Variants in SUPT3H observed in about 807,000 individuals in gnomAD.
SUPT3H encodes transcription initiation protein SPT3 homolog.
SUPT3H carries 44 observed loss-of-function variants against 44.3 expected under a neutral mutation model. The ratio of observed to expected loss-of-function variants is 0.99; its 90% confidence interval spans 0.78 to 1.28. The LOEUF is 1.28. Ranked by LOEUF, SUPT3H falls within the 50% of genes most tolerant of loss-of-function variation. The pLI is 0.00. For synonymous variants in SUPT3H, 124 were observed against 125.6 expected, an observed-to-expected ratio of 0.99 and a Z score of 0.09; for missense variants, 380 against 387.1, an observed-to-expected ratio of 0.98 and a Z score of 0.15.
intron 2 of SUPT3H, among the ~76,000 whole-genome samples, chr6:45,304,353 AC>A (rs1322951093): frequency 1.2e-4 from 18 of 152,184 alleles, no homozygotes; most frequent in Admixed American, 8.5e-4. Context: ...GAGGAATGTT[AC>A]TTAATTTAAA....
At chr6:45,293,160 A>G (rs1226963424) in intron 2 of SUPT3H, among the ~76,000 whole-genome samples, 2 of 152,198 alleles carry the variant, frequency 1.3e-5, no homozygotes, top group Non-Finnish European at 2.9e-5. Flanking sequence ...GTGGGATAAA[A>G]CTGGAAATCA....
At chr6:45,346,348 T>C (rs1203294830) in intron 2 of SUPT3H, among the ~76,000 whole-genome samples, 3 of 152,024 alleles carry the variant, frequency 2.0e-5, no homozygotes, top group Non-Finnish European at 4.4e-5. Flanking sequence ...GTCTACAGGG[T>C]TGAAACGAAG....
chr6:45,076,561 C>T (rs1045693548), intron 3 of SUPT3H, among the ~76,000 whole-genome samples: 9 of 151,636 alleles, frequency 5.9e-5, no homozygotes, highest in Non-Finnish European at 8.8e-5. Flanking sequence ...CAGGCTCTTC[C>T]AAACTTTAGT....
At chr6:45,373,768 G>A (rs1368238813) in intron 1 of SUPT3H, among the ~76,000 whole-genome samples, 1 of 152,022 alleles carries the variant, frequency 6.6e-6, no homozygotes, top group South Asian at 2.1e-4. Context: ...GGCCAGTCTG[G>A]TCTCCAACTC....
Position 44,847,958 on chromosome 6 carries a change from C to CTTTTTTTTTTT in SUPT3H, c.913-18112_913-18102dup, listed in dbSNP as rs969869912. 1.5e-4 allele frequency among the ~76,000 whole-genome samples: 9 copies of CTTTTTTTTTTT among 58,392 alleles called. 3 individuals carry two copies. Among genetic ancestry groups the CTTTTTTTTTTT allele is most frequent in the Admixed American group, 6.0e-4 (3 of 4,990 alleles). The allele number at this position is 58,392 out of a possible 152,430, so 38.3% of individuals were successfully genotyped here. A position where few individuals can be genotyped will look rare whatever the true frequency, so the allele number is the denominator to read the frequency against. ...CTAGTGTTGACAGTTATCTCTGTGTCTTTTTTTTTTTTTTTTTTTTTTTTT... is the reference window on the plus strand; with the variant it reads ...CTAGTGTTGACAGTTATCTCTGTGTCTTTTTTTTTTTTTTTTTTTTTTTTTTTTTTTTTTTT... On this transcript the variant is annotated intron_variant, in intron 10 of 10. Transcript: ENST00000371459.
At chr6:44,913,546 T>C (rs1455123596) in intron 10 of SUPT3H, among the ~76,000 whole-genome samples, 1 of 152,226 alleles carries the variant, frequency 6.6e-6, no homozygotes, top group African/African-American at 2.4e-5. Flanking sequence ...TGCATGTGAA[T>C]TTGTTATCCA....
At chr6:44,894,530 G>T (rs1763813674) in intron 10 of SUPT3H, among the ~76,000 whole-genome samples, 1 of 152,072 alleles carries the variant, frequency 6.6e-6, no homozygotes, top group Admixed American at 6.6e-5. Context: ...TCAGATAGTT[G>T]TAGATATGCG....
chr6:45,253,818 G>A (rs1772797181), intron 2 of SUPT3H, among the ~76,000 whole-genome samples: 1 of 117,430 alleles, frequency 8.5e-6, no homozygotes, highest in African/African-American at 3.2e-5. Context: ...TTAAGTACTG[G>A]AGGAAAAAAT....
chr6:45,145,797 T>C (rs1805957941), intron 2 of SUPT3H, among the ~76,000 whole-genome samples: 1 of 151,778 alleles, frequency 6.6e-6, no homozygotes, highest in African/African-American at 2.4e-5. Flanking sequence ...GAATCTACAA[T>C]GAACTCACAA....
At chr6:45,227,210 T>C (rs1324936706) in intron 2 of SUPT3H, among the ~76,000 whole-genome samples, 1 of 151,556 alleles carries the variant, frequency 6.6e-6, no homozygotes, top group African/African-American at 2.4e-5. Context: ...ATAAATTCCA[T>C]GATTGAAGGA....
At chr6:45,016,713 T>C (rs1164435512) in intron 4 of SUPT3H, among the ~76,000 whole-genome samples, 1 of 152,080 alleles carries the variant, frequency 6.6e-6, no homozygotes, top group Non-Finnish European at 1.5e-5. Context: ...ATCGTGTATA[T>C]GTGCCACATT....
intron 10 of SUPT3H, among the ~76,000 whole-genome samples, chr6:44,925,968 C>T (rs1769453980): frequency 6.6e-6 from 1 of 152,112 alleles, no homozygotes; most frequent in Admixed American, 6.6e-5. Context: ...TTTTTAGACC[C>T]TGAGGCCCTT....
chr6:44,822,410 T>C (rs1401183655), downstream of SUPT3H, among the ~76,000 whole-genome samples: 2 of 152,240 alleles, frequency 1.3e-5, no homozygotes, highest in Non-Finnish European at 1.5e-5. Flanking sequence ...AAAAGGCTCA[T>C]TGTCTTTACA....
In SUPT3H at chr6:45,328,627, T is replaced by A. The variant is rs781581214; in HGVS notation, c.101+36574A>T. On this transcript the variant is annotated intron_variant, in intron 2 of 10. Coordinates refer to ENST00000371459, the MANE Select transcript of SUPT3H (RefSeq NM_003599.4). ...ATGTACTCCAGGCATACTGTAAAACTAAAACAAGGTTTGGGTATGGTTTGT... is the reference window on the plus strand; with the variant it reads ...ATGTACTCCAGGCATACTGTAAAACAAAAACAAGGTTTGGGTATGGTTTGT... The A allele has an allele frequency of 8.1e-6, 13 of 1,609,586 alleles. No homozygotes were observed. The East Asian group carries it at 2.9e-4, about 36-fold the overall frequency.
intron 2 of SUPT3H, among the ~76,000 whole-genome samples, chr6:45,336,893 T>G (rs1359985587): frequency 6.6e-6 from 1 of 151,648 alleles, no homozygotes; most frequent in Non-Finnish European, 1.5e-5. Flanking sequence ...TCTTAAATGC[T>G]GTTTTAAAGG....
chr6:44,910,402 T>A (rs1330942218), intron 10 of SUPT3H, among the ~76,000 whole-genome samples: 1 of 152,344 alleles, frequency 6.6e-6, no homozygotes, highest in Non-Finnish European at 1.5e-5. Context: ...TTAATAACCA[T>A]TGTTCTCATT....
intron 11 of SUPT3H, among the ~76,000 whole-genome samples, chr6:44,820,568 AG>A (rs1321283646): frequency 6.6e-6 from 1 of 152,228 alleles, no homozygotes; most frequent in African/African-American, 2.4e-5. Flanking sequence ...AGTACTGATC[AG>A]TCATTCATTC....
chr6:45,319,557 A>C (rs998353830), intron 2 of SUPT3H, among the ~76,000 whole-genome samples: 5 of 152,292 alleles, frequency 3.3e-5, no homozygotes, highest in African/African-American at 1.2e-4. Flanking sequence ...ATACAAGCTC[A>C]ATTTTTATTT....
chr6:44,892,457 G>A (rs1763457230), intron 10 of SUPT3H, among the ~76,000 whole-genome samples: 1 of 152,142 alleles, frequency 6.6e-6, no homozygotes, highest in South Asian at 2.1e-4. Context: ...TCAGCCTCTA[G>A]AACTGAGGGA....
Sources: allele counts gnomAD v4.1 joint callset (sites outside exome capture counted in the v4.1 genomes callset), GRCh38; gene constraint gnomAD v4.1.1; transcripts MANE v1.5; gene names NCBI Gene and HGNC (gene_info 2026-07-23, HGNC 2026-07-21).